The following TENM2 variants were observed in gnomAD, a reference collection of about 807,000 sequenced individuals.
The protein encoded by TENM2 is teneurin-2.
A neutral mutation model predicts 245.2 loss-of-function variants in TENM2; 52 were observed. The observed-to-expected ratio is 0.21, with a 90% confidence interval of 0.17 to 0.27. TENM2 has a LOEUF of 0.27. Among genes scored for constraint, TENM2 ranks in the 10% least tolerant of loss-of-function variants. The pLI, the probability that TENM2 is intolerant of heterozygous loss-of-function variation, is 1.00. For synonymous variants in TENM2, 1,363 were observed against 1,438.9 expected (o/e 0.95, Z 1.19); for missense variants, 3,046 against 3,666.8 (o/e 0.83, Z 4.37).
the TENM2 span, among the ~76,000 whole-genome samples, chr5:167,158,911 TTC>T: frequency 5.0e-3 from 584 of 115,902 alleles, 2 homozygotes; most frequent in African/African-American, 0.019. Context: ...TTCCTTCCTC[TTC>T]CTCTCTCTCT....
chr5:168,059,639 T>C (rs961469632), intron 6 of TENM2, among the ~76,000 whole-genome samples: 7 of 152,138 alleles, frequency 4.6e-5, no homozygotes, highest in Non-Finnish European at 8.8e-5. Flanking sequence ...ATATCCTTTT[T>C]ATTATATCCC....
chr5:168,079,997 A>T (rs911600928), intron 7 of TENM2, among the ~76,000 whole-genome samples: 2 of 152,174 alleles, frequency 1.3e-5, no homozygotes, highest in African/African-American at 4.8e-5. Context: ...ATAGTTTCAG[A>T]AGGAATGGCA....
chr5:167,221,390 A>T, the TENM2 span, among the ~76,000 whole-genome samples: 2 of 152,216 alleles, frequency 1.3e-5, no homozygotes, highest in Admixed American at 6.5e-5. Flanking sequence ...GAACTGACCT[A>T]GTAAGGTTAG....
chr5:167,006,981 C>G, the TENM2 span, among the ~76,000 whole-genome samples: 2 of 152,224 alleles, frequency 1.3e-5, no homozygotes, highest in South Asian at 4.1e-4. Context: ...CACATTCCAT[C>G]TTTTAGCCTC....
At chr5:167,664,020 A>G (rs969645130) in intron 2 of TENM2, among the ~76,000 whole-genome samples, 9 of 152,288 alleles carry the variant, frequency 5.9e-5, no homozygotes, top group African/African-American at 2.2e-4. Flanking sequence ...ACTGCTCATG[A>G]ACACCTGTCT....
intron 3 of TENM2, among the ~76,000 whole-genome samples, chr5:167,916,314 G>T (rs867351243): frequency 6.6e-6 from 1 of 152,120 alleles, no homozygotes; most frequent in Non-Finnish European, 1.5e-5. Context: ...TGGTGTCTCT[G>T]GGGGGTTGGT....
At chr5:167,016,906 A>G in the TENM2 span, among the ~76,000 whole-genome samples, 2 of 152,186 alleles carry the variant, frequency 1.3e-5, no homozygotes, top group Non-Finnish European at 2.9e-5. Context: ...GAAAGGAAGA[A>G]TTATCGAAGA....
the TENM2 span, among the ~76,000 whole-genome samples, chr5:167,271,413 G>C: frequency 2.6e-5 from 4 of 152,138 alleles, 1 homozygote; most frequent in South Asian, 8.3e-4. Flanking sequence ...GTGTAACCAT[G>C]CTGTCTTTCT....
At chr5:167,762,317 T>G (rs920318467) in intron 2 of TENM2, among the ~76,000 whole-genome samples, 1 of 152,086 alleles carries the variant, frequency 6.6e-6, no homozygotes, top group African/African-American at 2.4e-5. Context: ...AGAACTTATT[T>G]ATGTCTAATC....
intron 2 of TENM2, among the ~76,000 whole-genome samples, chr5:167,605,758 C>T (rs1776995003): frequency 6.6e-6 from 1 of 152,154 alleles, no homozygotes; most frequent in African/African-American, 2.4e-5. Context: ...GCTGTTTTCT[C>T]CCCTCACTGT....
At chr5:167,071,424 TCAAAGAAC>T in the TENM2 span, among the ~76,000 whole-genome samples, 2 of 152,210 alleles carry the variant, frequency 1.3e-5, no homozygotes, top group South Asian at 4.1e-4. Context: ...AAGGAGGGAA[TCAAAGAAC>T]CGTATTCCTT....
intron 1 of TENM2, among the ~76,000 whole-genome samples, chr5:167,304,763 C>G (rs1253738032): frequency 6.6e-6 from 1 of 151,726 alleles, no homozygotes; most frequent in Non-Finnish European, 1.5e-5. Flanking sequence ...TTTTTTGTTG[C>G]TGTTATTGTT....
intron 6 of TENM2, among the ~76,000 whole-genome samples, chr5:168,051,588 C>T (rs1789091998): frequency 6.6e-6 from 1 of 152,206 alleles, no homozygotes; most frequent in Non-Finnish European, 1.5e-5. Flanking sequence ...TACATCACTT[C>T]TTCCTACTTG....
At chr5:168,199,885 C>T (rs1193694609) in exon 17 of TENM2, 4 of 1,613,662 alleles carry the variant, frequency 2.5e-6, no homozygotes, top group East Asian at 2.2e-5. Flanking sequence ...AGAAATCGAG[C>T]TCCCTGGTTC....
intron 1 of TENM2, among the ~76,000 whole-genome samples, chr5:167,319,692 A>C (rs1276093408): frequency 3.9e-5 from 6 of 152,226 alleles, no homozygotes; most frequent in Non-Finnish European, 7.3e-5. Context: ...TCCAATCAGC[A>C]GTGATTTCTG....
rs143106620 is a variant in TENM2 at position 167,760,691 on chromosome 5, C to T, written c.503-115295C>T. Among the ~76,000 whole-genome samples the T allele has an allele frequency of 7.1e-3, 1,087 of 152,178 alleles. 16 individuals carry two copies. The highest frequency in any genetic ancestry group is 0.025 in the African/African-American group (1,025 of 41,530). On this transcript the variant is annotated intron_variant, in intron 2 of 28. Coordinates refer to ENST00000518659, the Ensembl canonical transcript of TENM2. ...TGTTTTGAGACAGAGTCTCACTCTG[C>T]CACCCAGGCTAGAGTGCAATGGCAT...
chr5:167,108,594 A>G, the TENM2 span, among the ~76,000 whole-genome samples: 1 of 152,204 alleles, frequency 6.6e-6, no homozygotes, highest in Non-Finnish European at 1.5e-5. Context: ...TTCGTCAGTA[A>G]TTTGCCCAGG....
chr5:168,260,539 A>G, intron 28 of TENM2, 126 bp downstream of exon 30: 8 of 1,041,354 alleles, frequency 7.7e-6, no homozygotes, highest in Non-Finnish European at 1.1e-5. Context: ...AAGGTGCAGG[A>G]CACATTGAGA....
chr5:167,974,007 G>GGGAGGAAA (rs1782012395), intron 4 of TENM2, among the ~76,000 whole-genome samples: 1 of 80,228 alleles, frequency 1.2e-5, no homozygotes, highest in African/African-American at 8.2e-5. Context: ...GAGAAAGGGA[G>GGGAGGAAA]GGAGGGAGGG....
Sources: gnomAD v4.1 joint callset for allele counts (sites outside exome capture counted in the v4.1 genomes callset) on GRCh38, gnomAD v4.1.1 for gene constraint, MANE v1.5 for transcripts, NCBI Gene and HGNC (gene_info 2026-07-23, HGNC 2026-07-21) for gene names.